Variants in CERS4 observed in about 807,000 individuals in gnomAD.
CERS4 encodes the protein ceramide synthase 4, also known as LAG1 homolog, ceramide synthase 4.
CERS4 carries 65 observed loss-of-function variants against 51.8 expected under a neutral mutation model. That is an observed-to-expected ratio of 1.26 (90% CI 1.03 to 1.54). CERS4 has a LOEUF of 1.54. Among genes scored for constraint, CERS4 ranks in the 40% most tolerant of loss-of-function variants. The pLI is 0.00. For missense variants in CERS4, 563 were observed against 500.4 expected (o/e 1.13, Z -1.19); for synonymous variants, 228 against 208.4 (o/e 1.09, Z -0.81).
At chr19:8,260,288 G>A (rs543025299) in intron 10 of CERS4, among the ~76,000 whole-genome samples, 1,805 of 147,002 alleles carry the variant, frequency 0.012, 20 homozygotes, top group Non-Finnish European at 0.019. Flanking sequence ...TCCGCCTCCC[G>A]GGTTCAAGCA....
In CERS4 at chr19:8,262,291, T is replaced by G; in HGVS notation, c.*182T>G. 2 of 555,002 alleles carry G rather than the reference T, an allele frequency of 3.6e-6. No individual in the cohort carries two copies. Among genetic ancestry groups the G allele is most frequent in the Non-Finnish European group, 5.7e-6 (2 of 353,006 alleles). The allele number at this position is 555,002 out of a possible 1,614,324, so 34.4% of individuals were successfully genotyped here. On this transcript the variant is annotated 3_prime_UTR_variant, in exon 12 of 12. Coordinates refer to ENST00000251363, the MANE Select transcript of CERS4 (RefSeq NM_024552.3). ...TCTGCCCACCCACCCTTCTTCCCTC[T>G]GGGCAACTGGACAGATCTGGGAGCC...
chr19:8,249,240 T>C (rs535136540), intron 2 of CERS4, among the ~76,000 whole-genome samples: 1 of 149,302 alleles, frequency 6.7e-6, no homozygotes, highest in Non-Finnish European at 1.5e-5. Context: ...TGGACAGATG[T>C]TTGGATGGGT....
chr19:8,258,964 T>C (rs1017224536), intron 10 of CERS4, among the ~76,000 whole-genome samples: 1 of 150,072 alleles, frequency 6.7e-6, no homozygotes, highest in East Asian at 2.0e-4. Flanking sequence ...AGAAACCCTG[T>C]CTCTACTGAA....
intron 6 of CERS4, 67 bp downstream of exon 6, chr19:8,255,946 TG>T: frequency 1.3e-6 from 2 of 1,536,564 alleles, no homozygotes; most frequent in Non-Finnish European, 1.8e-6. Flanking sequence ...CTGGCAGGAG[TG>T]GGGGTGTGGA....
intron 2 of CERS4, among the ~76,000 whole-genome samples, chr19:8,240,736 C>G (rs536576464): frequency 6.6e-6 from 1 of 152,212 alleles, no homozygotes. Flanking sequence ...ATGTGCATAG[C>G]TCTGATCTGC....
chr19:8,260,111 C>G (rs36254), intron 10 of CERS4, among the ~76,000 whole-genome samples: 52,727 of 151,682 alleles, frequency 0.35, 9,435 homozygotes, highest in South Asian at 0.49. Context: ...GCTGGTGGGG[C>G]TGCAGGGCTG....
rs1252269325 is a variant in CERS4, at chr19:8,255,593, C to A, written c.292-14C>A. The A allele has an allele frequency of 1.2e-6, 2 of 1,603,480 alleles. No individual in the cohort carries two copies. The highest frequency in any genetic ancestry group is 2.2e-5 in the South Asian group (2 of 89,680). ...GGGCCTCTGTGACCCTTGTCCTCAT[C>A]ACCCCCTCCCCAGCCCCAGCTGTCT... is the stretch of plus-strand genomic sequence containing the variant. On this transcript the variant is annotated splice_polypyrimidine_tract_variant and intron_variant, in intron 4 of 11. Coordinates refer to ENST00000251363, the MANE Select transcript of CERS4 (RefSeq NM_024552.3).
chr19:8,220,008 G>A (rs1967462845), intron 2 of CERS4, among the ~76,000 whole-genome samples: 1 of 150,928 alleles, frequency 6.6e-6, no homozygotes, highest in Admixed American at 6.6e-5. Flanking sequence ...AATTTGTTAA[G>A]TGGATACATA....
At chr19:8,256,781 C>A in intron 8 of CERS4, 71 bp downstream of exon 8, 1 of 1,575,360 alleles carries the variant, frequency 6.3e-7, no homozygotes, top group Non-Finnish European at 8.6e-7. Flanking sequence ...GGTAGGGCAG[C>A]CTTACAACCG....
intron 2 of CERS4, among the ~76,000 whole-genome samples, chr19:8,245,902 C>CAT (rs1968762241): frequency 1.3e-5 from 1 of 76,946 alleles, no homozygotes; most frequent in Non-Finnish European, 2.3e-5. Context: ...GCTTTGATGA[C>CAT]AAAAAAAAAA....
chr19:8,212,226 G>A (rs1166453589), intron 2 of CERS4, among the ~76,000 whole-genome samples: 1 of 152,150 alleles, frequency 6.6e-6, no homozygotes, highest in Admixed American at 6.6e-5. Flanking sequence ...TGCAGGGGTC[G>A]AAGGCAGGAG....
At position 8,256,636 on chromosome 19, in the gene CERS4, T is replaced by C. The variant is rs770214743; in HGVS notation, c.538T>C (p.Tyr180His). 3 of 1,613,498 alleles carry C rather than the reference T, an allele frequency of 1.9e-6. No individual in the cohort carries two copies. Among genetic ancestry groups the C allele is most frequent in the Non-Finnish European group, 2.5e-6 (3 of 1,179,724 alleles). Residue 180 changes from tyrosine to histidine, a missense_variant, in exon 8 of 12, where the codon TAC (tyrosine) becomes CAC (histidine). Coordinates refer to ENST00000251363, the MANE Select transcript of CERS4 (RefSeq NM_024552.3). ...YPNQTLKPSL[Y>H]WWYLLELGFY... Reference sequence around the variant, plus strand: ...GCTGCAGACTCTGAAGCCATCCCTGTACTGGTGGTACCTCTTGGAGCTGGG... The same window carrying C: ...GCTGCAGACTCTGAAGCCATCCCTGCACTGGTGGTACCTCTTGGAGCTGGG...
intron 2 of CERS4, among the ~76,000 whole-genome samples, chr19:8,246,477 G>A (rs942230894): frequency 1.3e-5 from 2 of 151,732 alleles, no homozygotes; most frequent in South Asian, 2.1e-4. Flanking sequence ...AAGACCACCC[G>A]AGCCCGGGAG....
At chr19:8,222,609 C>T (rs1332063410) in intron 2 of CERS4, among the ~76,000 whole-genome samples, 1 of 152,016 alleles carries the variant, frequency 6.6e-6, no homozygotes, top group East Asian at 1.9e-4. Context: ...AGCAATTCTC[C>T]TGCTTCAGCC....
At chr19:8,261,484 C>T (rs938895736) in intron 10 of CERS4, 7 of 596,180 alleles carry the variant, frequency 1.2e-5, no homozygotes, top group East Asian at 2.8e-5. Flanking sequence ...TCAGGGAGCT[C>T]GTGTGTGTGT....
At chr19:8,254,831 T>C (rs572469867) in intron 4 of CERS4, among the ~76,000 whole-genome samples, 9 of 151,770 alleles carry the variant, frequency 5.9e-5, no homozygotes, top group African/African-American at 2.2e-4. Context: ...CCAGCATCCC[T>C]GGGACATGGA....
At position 8,251,268 on chromosome 19, in the gene CERS4, G is replaced by A. The variant is rs367994288; in HGVS notation, c.173+19G>A. 1.3e-4 allele frequency: 201 copies of A among 1,563,040 alleles called. No individual in the cohort carries two copies. Among genetic ancestry groups the A allele is most frequent in the Non-Finnish European group, 1.6e-4 (186 of 1,155,720 alleles). ...TTGAGAGGTGAGTGTCTGCCCTGCC[G>A]CAATCCATTGCCCCCGCAGTCGCTC... On this transcript the variant is annotated intron_variant, in intron 3 of 11. Transcript: ENST00000251363.
intron 10 of CERS4, 111 bp from the exon 11 acceptor site, chr19:8,261,577 G>A (rs1969703807): frequency 7.9e-7 from 1 of 1,262,614 alleles, no homozygotes; most frequent in African/African-American, 1.5e-5. Flanking sequence ...GGGCACTAGG[G>A]AGCCATAGGT....
intron 2 of CERS4, among the ~76,000 whole-genome samples, chr19:8,235,011 C>CTTTT (rs567754538): frequency 2.7e-5 from 3 of 110,680 alleles, no homozygotes; most frequent in East Asian, 2.4e-4. Flanking sequence ...TTCTTTCTTT[C>CTTTT]TTTTTTTTTT....
Sources: gnomAD v4.1 joint callset for allele counts (sites outside exome capture counted in the v4.1 genomes callset) on GRCh38, gnomAD v4.1.1 for gene constraint, MANE v1.5 for transcripts, NCBI Gene and HGNC (gene_info 2026-07-23, HGNC 2026-07-21) for gene names.